LRRK1: variants seen among roughly 807,000 people sequenced by gnomAD.
LRRK1 encodes leucine-rich repeat serine/threonine-protein kinase 1.
LRRK1 carries 113 observed loss-of-function variants against 209.1 expected under a neutral mutation model. The ratio of observed to expected loss-of-function variants is 0.54; its 90% CI spans 0.46 to 0.63. The LOEUF (loss-of-function observed/expected upper bound fraction) is 0.63, where lower values mean the gene tolerates loss of function less well. Ranked by LOEUF, LRRK1 falls within the 30% of genes least tolerant of loss-of-function variation. LRRK1 has a pLI of 0.00. For synonymous variants in LRRK1, 1,144 were observed against 1,099.7 expected (o/e 1.04, Z -0.80); for missense variants, 2,284 against 2,632.2 (o/e 0.87, Z 2.89).
chr15:100,922,631 T>C (rs1049474618), intron 1 of LRRK1, among the ~76,000 whole-genome samples: 1 of 152,234 alleles, frequency 6.6e-6, no homozygotes, highest in Non-Finnish European at 1.5e-5. Context: ...ACGTTTATTT[T>C]AAAACAGATT....
intron 31 of LRRK1, among the ~76,000 whole-genome samples, chr15:101,063,554 C>T (rs934236274): frequency 2.6e-5 from 4 of 152,226 alleles, no homozygotes; most frequent in African/African-American, 9.6e-5. Flanking sequence ...CTGGTTTCAT[C>T]CACCCTGAGG....
At chr15:100,983,846 T>C (rs761307239) in intron 4 of LRRK1, 147 bp downstream of exon 4, 2 of 845,900 alleles carry the variant, frequency 2.4e-6, no homozygotes, top group South Asian at 2.7e-5. Flanking sequence ...AAAGTGAAGC[T>C]TGCCTGCCAG....
intron 20 of LRRK1, among the ~76,000 whole-genome samples, chr15:101,041,213 GCT>G (rs758468266): frequency 6.6e-6 from 1 of 152,104 alleles, no homozygotes; most frequent in Non-Finnish European, 1.5e-5. Context: ...AGCCACACCA[GCT>G]CTTTTAGTTC....
chr15:101,023,049 A>G (rs2033870457), intron 15 of LRRK1, among the ~76,000 whole-genome samples: 1 of 152,048 alleles, frequency 6.6e-6, no homozygotes, highest in Non-Finnish European at 1.5e-5. Flanking sequence ...TTCAAGTTCA[A>G]GTGGTCTGGG....
chr15:100,941,368 C>CTGTGTCTCTGTGTGTGTCTGTGTGTG (rs2042415616), intron 2 of LRRK1, among the ~76,000 whole-genome samples: 1 of 26,126 alleles, frequency 3.8e-5, no homozygotes, highest in African/African-American at 2.3e-4. Flanking sequence ...GTGTGTGTGC[C>CTGTGTCTCTGTGTGTGTCTGTGTGTG]TGTATGTGTG....
chr15:101,025,074 G>T, intron 16 of LRRK1, 107 bp downstream of exon 16: 1 of 1,112,990 alleles, frequency 9.0e-7, no homozygotes, highest in East Asian at 2.4e-5. Context: ...GGGTTATGTT[G>T]CCACAGAGGG....
At chr15:100,970,241 T>G (rs1205230724) in intron 2 of LRRK1, among the ~76,000 whole-genome samples, 1 of 152,192 alleles carries the variant, frequency 6.6e-6, no homozygotes, top group East Asian at 1.9e-4. Context: ...GATGGGCATT[T>G]GGGTTGATTC....
intron 6 of LRRK1, among the ~76,000 whole-genome samples, chr15:101,005,911 G>A (rs1296791128): frequency 6.6e-6 from 1 of 152,232 alleles, no homozygotes; most frequent in Non-Finnish European, 1.5e-5. Context: ...AAGAAAGGTA[G>A]CTTTAGCAAA....
At chr15:101,015,838 G>A (rs2033512206) in intron 12 of LRRK1, among the ~76,000 whole-genome samples, 1 of 152,198 alleles carries the variant, frequency 6.6e-6, no homozygotes, top group Non-Finnish European at 1.5e-5. Flanking sequence ...TTCAGCAGCA[G>A]ACACTTATTT....
chr15:100,961,662 A>AAAAAAC (rs1175716103), intron 2 of LRRK1, among the ~76,000 whole-genome samples: 1 of 151,840 alleles, frequency 6.6e-6, no homozygotes, highest in Non-Finnish European at 1.5e-5. Flanking sequence ...AAAAAAAAAA[A>AAAAAAC]AAAACCATAG....
chr15:100,950,621 A>G (rs1261585697), intron 2 of LRRK1, among the ~76,000 whole-genome samples: 4 of 152,272 alleles, frequency 2.6e-5, no homozygotes, highest in Non-Finnish European at 5.9e-5. Context: ...CACAAGCGAC[A>G]AAAGGAAAAA....
Position 101,071,773 on chromosome 15 carries a change from C to T in LRRK1, c.*2925C>T, listed in dbSNP as rs2036814422. The T allele has an allele frequency of 2.0e-5, 3 of 152,228 alleles. No individual in the cohort carries two copies. The South Asian group carries it at 6.2e-4, about 32-fold the overall frequency. 9.4% of individuals were successfully genotyped at this position (152,228 alleles called of 1,614,324 possible). On this transcript the variant is annotated 3_prime_UTR_variant, in exon 34 of 34. Coordinates refer to ENST00000388948, the MANE Select transcript of LRRK1 (RefSeq NM_024652.6). ...CAAGTGAGATAGCAGGGCAGCCGGA[C>T]CACCCAGTTGGGCAATTCGTGGCTT...
chr15:100,947,887 TC>T (rs1488257110), intron 2 of LRRK1, among the ~76,000 whole-genome samples: 1 of 152,204 alleles, frequency 6.6e-6, no homozygotes, highest in Admixed American at 6.5e-5. Context: ...TTATGTGAGA[TC>T]CAGGGAAACG....
intron 2 of LRRK1, among the ~76,000 whole-genome samples, chr15:100,968,631 CTCTT>C (rs1215944558): frequency 3.9e-5 from 6 of 152,082 alleles, no homozygotes; most frequent in East Asian, 1.9e-4. Context: ...TTTGCCCTCT[CTCTT>C]TCTTTCTTCC....
chr15:101,038,425 A>C (rs2034586802), intron 20 of LRRK1, among the ~76,000 whole-genome samples: 1 of 152,190 alleles, frequency 6.6e-6, no homozygotes, highest in African/African-American at 2.4e-5. Flanking sequence ...CAGGTCTCAG[A>C]GAGTGTGAGA....
At position 100,973,916 on chromosome 15, in the gene LRRK1, C is replaced by T; in HGVS notation, c.210C>T (p.Ala70=). Residue 70 remains alanine (A), a synonymous_variant, in exon 3 of 34, where the codon GCC becomes GCT. Coordinates refer to ENST00000388948, the MANE Select transcript of LRRK1 (RefSeq NM_024652.6). ...AAYRRGDRGG[A]RDLLEEACDQ... ...ACAGGCGGGGAGACCGCGGCGGCGC[C>T]CGGGACCTGCTGGAGGAGGCCTGCG... 2 of 1,265,682 alleles carry T rather than the reference C, an allele frequency of 1.6e-6. No individual in the cohort carries two copies. Among genetic ancestry groups the T allele is most frequent in the Non-Finnish European group, 2.0e-6 (2 of 1,000,028 alleles). The allele number at this position is 1,265,682 out of a possible 1,614,324, so 78.4% of individuals were successfully genotyped here.
chr15:101,020,114 G>A (rs979341339), intron 12 of LRRK1, among the ~76,000 whole-genome samples: 4 of 152,078 alleles, frequency 2.6e-5, no homozygotes, highest in Admixed American at 6.5e-5. Context: ...TTAAAACACC[G>A]TTTTTGAACA....
intron 3 of LRRK1, among the ~76,000 whole-genome samples, chr15:100,979,957 G>A (rs889933327): frequency 6.6e-6 from 1 of 152,120 alleles, no homozygotes; most frequent in Non-Finnish European, 1.5e-5. Flanking sequence ...CAGAGAAGGG[G>A]TATCTCTAAT....
At chr15:100,940,078 G>C (rs7168644) in intron 2 of LRRK1, among the ~76,000 whole-genome samples, 8 of 152,094 alleles carry the variant, frequency 5.3e-5, no homozygotes, top group African/African-American at 1.9e-4. Context: ...ATCCTGCCCC[G>C]GATGCACGAT....
Sources: gnomAD v4.1 joint callset for allele counts (sites outside exome capture counted in the v4.1 genomes callset) on GRCh38, gnomAD v4.1.1 for gene constraint, MANE v1.5 for transcripts, NCBI Gene and HGNC (gene_info 2026-07-23, HGNC 2026-07-21) for gene names.